The following EBF2 variants were observed in gnomAD, a reference collection of about 807,000 sequenced individuals.
EBF2 encodes transcription factor COE2.
In EBF2, 21 loss-of-function variants were observed where a neutral mutation model predicts 72.8. That is an observed-to-expected ratio of 0.29 (90% CI 0.20 to 0.42). The LOEUF (loss-of-function observed/expected upper bound fraction) is 0.42. Ranked by LOEUF, EBF2 falls within the 10% of genes least tolerant of loss-of-function variation. The probability of loss-of-function intolerance (pLI) is 1.00; values close to 1 mark genes in which losing one functional copy is unlikely to be tolerated. For missense variants in EBF2, 637 were observed against 731.2 expected (o/e 0.87, Z 1.49); for synonymous variants, 299 against 274.2 (o/e 1.09, Z -0.89).
At chr8:25,856,878 G>A (rs1030559930) in intron 14 of EBF2, among the ~76,000 whole-genome samples, 4 of 152,136 alleles carry the variant, frequency 2.6e-5, no homozygotes, top group Admixed American at 6.5e-5. Context: ...CAAAGTAAAT[G>A]ACTCCCTTGA....
At chr8:25,905,303 C>A (rs1367529856) in intron 7 of EBF2, among the ~76,000 whole-genome samples, 1 of 152,104 alleles carries the variant, frequency 6.6e-6, no homozygotes, top group Non-Finnish European at 1.5e-5. Context: ...CTTAAAGAAA[C>A]AATTACCATA....
At chr8:25,978,422 T>C (rs1804302691) in intron 6 of EBF2, among the ~76,000 whole-genome samples, 1 of 152,136 alleles carries the variant, frequency 6.6e-6, no homozygotes, top group Admixed American at 6.5e-5. Flanking sequence ...TAGCTGCGGA[T>C]CTCCAAGTTG....
chr8:25,968,378 C>T (rs186228264), intron 6 of EBF2, among the ~76,000 whole-genome samples: 7 of 152,062 alleles, frequency 4.6e-5, no homozygotes, highest in African/African-American at 4.8e-5. Flanking sequence ...TTCTGACATA[C>T]GCTACAACAT....
intron 6 of EBF2, among the ~76,000 whole-genome samples, chr8:25,960,530 G>A (rs561357620): frequency 1.8e-4 from 28 of 152,248 alleles, no homozygotes; most frequent in Admixed American, 7.8e-4. Context: ...TTGTAGAGGC[G>A]CCATTGGTTA....
intron 2 of EBF2, 151 bp downstream of exon 2, chr8:26,041,944 G>T: frequency 8.4e-7 from 1 of 1,191,924 alleles, no homozygotes; most frequent in South Asian, 1.6e-5. Flanking sequence ...TCGGGAAATC[G>T]ACTGATTTAG....
chr8:25,932,391 A>G lies in EBF2; in HGVS notation c.552-23836T>C, dbSNP rs796948530. ...AAAGTCTCTTGATTAAAAAAAAAAA[A>G]AAGAACGGGCAGCGTACGGGATGCT... On this transcript the variant is annotated intron_variant, in intron 6 of 15. Coordinates refer to ENST00000520164, the MANE Select transcript of EBF2 (RefSeq NM_022659.4). Among the ~76,000 whole-genome samples the G allele has an allele frequency of 7.2e-4, 110 of 152,200 alleles. 1 individual carries two copies. The highest frequency in any genetic ancestry group is 1.2e-3 in the Admixed American group (18 of 15,292).
chr8:25,871,215 T>A (rs1008061562), intron 10 of EBF2, among the ~76,000 whole-genome samples: 2 of 152,148 alleles, frequency 1.3e-5, no homozygotes, highest in Non-Finnish European at 2.9e-5. Context: ...AGTCCTGGTA[T>A]GAGCCAAGCA....
intron 6 of EBF2, among the ~76,000 whole-genome samples, chr8:25,961,500 C>T (rs1362876782): frequency 6.6e-6 from 1 of 152,096 alleles, no homozygotes; most frequent in African/African-American, 2.4e-5. Flanking sequence ...GTAGGTGGGA[C>T]TACAGGCACC....
intron 6 of EBF2, among the ~76,000 whole-genome samples, chr8:25,990,541 A>G (rs766896271): frequency 3.9e-5 from 6 of 152,198 alleles, no homozygotes; most frequent in Admixed American, 3.3e-4. Flanking sequence ...AACAAAATCT[A>G]CTAGCTCCAG....
intron 7 of EBF2, among the ~76,000 whole-genome samples, chr8:25,895,062 G>GGAA (rs1802845919): frequency 6.6e-6 from 1 of 152,202 alleles, no homozygotes; most frequent in Admixed American, 6.5e-5. Flanking sequence ...GAATACAGAT[G>GGAA]TCCATAATTT....
intron 6 of EBF2, among the ~76,000 whole-genome samples, chr8:25,957,201 C>G (rs182750913): frequency 4.6e-5 from 7 of 152,272 alleles, no homozygotes; most frequent in East Asian, 3.9e-4. Context: ...CATTTCCCCC[C>G]CAAGAGCAAA....
At chr8:25,932,681 G>C (rs1189439927) in intron 6 of EBF2, among the ~76,000 whole-genome samples, 1 of 152,166 alleles carries the variant, frequency 6.6e-6, no homozygotes, top group Non-Finnish European at 1.5e-5. Flanking sequence ...AATTACAGGA[G>C]AAGGTGGAAC....
chr8:25,934,224 TACACACACACACACACACACAC>T (rs71216403), intron 6 of EBF2, among the ~76,000 whole-genome samples: 126 of 136,838 alleles, frequency 9.2e-4, no homozygotes, highest in South Asian at 2.1e-3. Flanking sequence ...TTCATGTGCA[TACACACACACACACACACACAC>T]ACACACACAC....
chr8:25,850,530 G>A, intron 15 of EBF2, 64 bp downstream of exon 15: 2 of 1,458,006 alleles, frequency 1.4e-6, no homozygotes, highest in South Asian at 1.5e-5. Context: ...ATGATGTGCT[G>A]TTTGCTCTTA....
At chr8:25,962,263 G>A (rs1804047301) in intron 6 of EBF2, among the ~76,000 whole-genome samples, 1 of 152,190 alleles carries the variant, frequency 6.6e-6, no homozygotes, top group African/African-American at 2.4e-5. Flanking sequence ...AGCAATATGA[G>A]TGCAGGGTGT....
At chr8:25,983,143 T>C (rs1275300064) in intron 6 of EBF2, among the ~76,000 whole-genome samples, 2 of 152,146 alleles carry the variant, frequency 1.3e-5, no homozygotes, top group Non-Finnish European at 1.5e-5. Flanking sequence ...GGAACTCCCA[T>C]ATATCAAAAA....
chr8:25,845,762 T>C (rs1217179895), intron 15 of EBF2, among the ~76,000 whole-genome samples: 4 of 152,202 alleles, frequency 2.6e-5, no homozygotes. Flanking sequence ...TCTTAGAAAA[T>C]GGCAGAATAG....
Position 26,017,044 on chromosome 8 carries a change from C to A in EBF2, c.551+16041G>T, listed in dbSNP as rs554278737. The stretch of plus-strand genomic sequence containing the variant: ...CGCTGAAGAGAAGGATTTCTCCCCC[C>A]ACCCCAAACACAACCTTCCCCAAGG... On this transcript the variant is annotated intron_variant, in intron 6 of 15. Transcript: ENST00000520164. Among the ~76,000 whole-genome samples, 4 of 152,148 alleles carry A rather than the reference C, an allele frequency of 2.6e-5. No individual in the cohort carries two copies. In the East Asian group the frequency reaches 7.7e-4, roughly 29 times the overall value.
At chr8:25,977,861 G>T (rs1407959664) in intron 6 of EBF2, among the ~76,000 whole-genome samples, 1 of 152,204 alleles carries the variant, frequency 6.6e-6, no homozygotes, top group East Asian at 1.9e-4. Flanking sequence ...GTACCTGAGG[G>T]AAGAAAGCAA....
Sources: gnomAD v4.1 joint callset for allele counts (sites outside exome capture counted in the v4.1 genomes callset) on GRCh38, gnomAD v4.1.1 for gene constraint, MANE v1.5 for transcripts, NCBI Gene and HGNC (gene_info 2026-07-23, HGNC 2026-07-21) for gene names.